Variants in PKHD1 observed in about 807,000 individuals in gnomAD.
The protein encoded by PKHD1 is fibrocystin.
A neutral mutation model predicts 412.0 loss-of-function variants in PKHD1; 291 were observed. The ratio of observed to expected loss-of-function variants is 0.71; its 90% CI spans 0.64 to 0.78. PKHD1 has a LOEUF of 0.78. Ranked by LOEUF, PKHD1 falls within the 30% of genes least tolerant of loss-of-function variation. The pLI is 0.00. For synonymous variants in PKHD1, 1,777 were observed against 1,821.5 expected, an observed-to-expected ratio of 0.98 and a Z score of 0.62; for missense variants, 4,825 against 4,950.7, an observed-to-expected ratio of 0.97 and a Z score of 0.76.
At position 51,616,700 on chromosome 6, in the gene PKHD1, T is replaced by A. The variant is rs1581696134; in HGVS notation, c.*2381A>T. ...TGGCCTCAGGGATCACAGGCTTTTC[T>A]GGGATGGAATTAGTAAGATAATTAT... On this transcript the variant is annotated 3_prime_UTR_variant, in exon 67 of 67. Transcript: ENST00000371117. 2.0e-5 allele frequency: 8 copies of A among 398,462 alleles called. No homozygotes were observed. The East Asian group carries it at 2.9e-4, about 14-fold the overall frequency. The allele number at this position is 398,462 out of a possible 1,614,324, so 24.7% of individuals were successfully genotyped here.
chr6:51,760,354 C>A (rs977422749), intron 55 of PKHD1, among the ~76,000 whole-genome samples: 1 of 152,056 alleles, frequency 6.6e-6, no homozygotes, highest in Non-Finnish European at 1.5e-5. Context: ...AAAAATATAT[C>A]TCTCCCCTAT....
In PKHD1 at chr6:51,938,762, G is replaced by A. The variant is rs149458249; in HGVS notation, c.5909-4440C>T. 7.5e-3 allele frequency among the ~76,000 whole-genome samples: 1,136 copies of A among 151,664 alleles called. 20 individuals are homozygous for A. The highest frequency in any genetic ancestry group is 0.026 in the African/African-American group (1,064 of 41,486). On this transcript the variant is annotated intron_variant, in intron 36 of 66. Transcript: ENST00000371117. ...CCCCTGTCCTCCTGCTCTTTGTTCC[G>A]TGAGAAAGATCCACCTATGACTTCT...
intron 19 of PKHD1, 27 bp downstream of exon 19, chr6:52,055,560 C>T (rs1807580760): frequency 6.2e-7 from 1 of 1,613,648 alleles, no homozygotes; most frequent in South Asian, 1.1e-5. Flanking sequence ...ACCCACCTGA[C>T]CCAGAAGCAC....
At chr6:52,015,308 C>T (rs888519514) in intron 34 of PKHD1, among the ~76,000 whole-genome samples, 1 of 152,148 alleles carries the variant, frequency 6.6e-6, no homozygotes, top group Non-Finnish European at 1.5e-5. Context: ...AAATATTACA[C>T]ATTTCTATCT....
In PKHD1 at chr6:51,983,212, T is replaced by A. The variant is rs563373553; in HGVS notation, c.5752-23186A>T. 1.4e-4 allele frequency among the ~76,000 whole-genome samples: 21 copies of A among 152,354 alleles called. No individual in the cohort carries two copies. In the South Asian group the frequency reaches 1.7e-3, roughly 12 times the overall value. On this transcript the variant is annotated intron_variant, in intron 35 of 66. Coordinates refer to ENST00000371117, the MANE Select transcript of PKHD1 (RefSeq NM_138694.4). ...GAGACTAGGTTAAACAAAATTTTTT[T>A]AAATTTAATTTTCTACGTACCTACA...
At chr6:51,914,422 C>A (rs906546120) in intron 37 of PKHD1, among the ~76,000 whole-genome samples, 1 of 152,006 alleles carries the variant, frequency 6.6e-6, no homozygotes, top group Non-Finnish European at 1.5e-5. Context: ...AAACATCAAG[C>A]CTGGATGTTT....
chr6:51,721,659 C>T, intron 60 of PKHD1: 1 of 1,198,936 alleles, frequency 8.3e-7, no homozygotes, highest in Non-Finnish European at 1.0e-6. Context: ...TTCCTACTCC[C>T]CCATATCTGC....
chr6:51,677,231 T>C (rs546691451), intron 60 of PKHD1, among the ~76,000 whole-genome samples: 91 of 152,230 alleles, frequency 6.0e-4, no homozygotes, highest in African/African-American at 2.0e-3. Context: ...AGCTTCAAAA[T>C]TAATTCATTT....
chr6:51,831,120 T>A (rs1256183194), intron 51 of PKHD1, 131 bp from the exon 52 acceptor site: 1 of 692,586 alleles, frequency 1.4e-6, no homozygotes, highest in Non-Finnish European at 2.5e-6. Flanking sequence ...TAAGTTTCTG[T>A]ACAAATATTT....
At chr6:51,717,479 A>ATT (rs1781418178) in intron 60 of PKHD1, among the ~76,000 whole-genome samples, 1 of 152,142 alleles carries the variant, frequency 6.6e-6, no homozygotes, top group Non-Finnish European at 1.5e-5. Flanking sequence ...GTAATTTTAT[A>ATT]ATACTATATT....
At chr6:51,808,749 T>G (rs1053760760) in intron 52 of PKHD1, among the ~76,000 whole-genome samples, 1 of 152,140 alleles carries the variant, frequency 6.6e-6, no homozygotes, top group African/African-American at 2.4e-5. Flanking sequence ...ATTTTTACAT[T>G]TGGATATTTA....
At chr6:52,053,035 C>T (rs748318317) in intron 21 of PKHD1, 41 bp downstream of exon 21, 10 of 1,591,524 alleles carry the variant, frequency 6.3e-6, no homozygotes, top group African/African-American at 2.7e-5. Flanking sequence ...TTGAGGTAGG[C>T]ATGTGACCGG....
chr6:51,885,940 G>A lies in PKHD1; in HGVS notation c.7142C>T (p.Pro2381Leu), dbSNP rs550806006. Residue 2381 changes from proline (P) to leucine (L), a missense_variant, in exon 45 of 67, where the codon CCA (proline) becomes CTA (leucine). By Grantham distance (98) the Pro-to-Leu change is moderately conservative. Coordinates refer to ENST00000371117, the MANE Select transcript of PKHD1 (RefSeq NM_138694.4). Reference sequence around the variant, plus strand: ...GGTGCCAGTGACATTATCCCAAGGTGGCTGAAATTTAGGGTATACAAAGAG... The same window carrying A: ...GGTGCCAGTGACATTATCCCAAGGTAGCTGAAATTTAGGGTATACAAAGAG... ...YGLFVYPKFQPPWDNVTGTTL... is the reference protein window; with the variant it reads ...YGLFVYPKFQLPWDNVTGTTL... 1.2e-5 allele frequency: 20 copies of A among 1,612,590 alleles called. No individual in the cohort carries two copies. In the South Asian group the frequency reaches 2.1e-4, roughly 17 times the overall value.
intron 55 of PKHD1, among the ~76,000 whole-genome samples, chr6:51,764,294 C>T (rs1788569695): frequency 6.7e-6 from 1 of 149,048 alleles, no homozygotes; most frequent in South Asian, 2.2e-4. Context: ...ATTTATGCAG[C>T]CAAAAAACAC....
chr6:51,769,653 C>T (rs1390044672), intron 55 of PKHD1, among the ~76,000 whole-genome samples: 3 of 151,184 alleles, frequency 2.0e-5, no homozygotes, highest in African/African-American at 7.3e-5. Context: ...GTTCATTAGA[C>T]TTATGGGTTA....
At chr6:51,862,585 T>C (rs540845312) in intron 48 of PKHD1, among the ~76,000 whole-genome samples, 9 of 152,344 alleles carry the variant, frequency 5.9e-5, no homozygotes, top group Non-Finnish European at 8.8e-5. Context: ...TGAACTCTTC[T>C]TTATTTTTGC....
chr6:51,706,902 A>G (rs939572494), intron 60 of PKHD1, among the ~76,000 whole-genome samples: 3 of 152,218 alleles, frequency 2.0e-5, no homozygotes, highest in African/African-American at 7.2e-5. Flanking sequence ...TCTCAAAATT[A>G]TTGCAAAGGA....
intron 37 of PKHD1, among the ~76,000 whole-genome samples, chr6:51,921,791 G>T (rs1784752323): frequency 6.6e-6 from 1 of 152,064 alleles, no homozygotes; most frequent in African/African-American, 2.4e-5. Context: ...GTCATCTAAG[G>T]TCTTCTCTAT....
intron 35 of PKHD1, among the ~76,000 whole-genome samples, chr6:52,008,263 C>G (rs767390989): frequency 3.9e-5 from 6 of 152,192 alleles, no homozygotes; most frequent in Non-Finnish European, 7.3e-5. Flanking sequence ...CATTATGAAT[C>G]TCAGTTAACT....
Sources: gnomAD v4.1 joint callset for allele counts (sites outside exome capture counted in the v4.1 genomes callset) on GRCh38, gnomAD v4.1.1 for gene constraint, MANE v1.5 for transcripts, NCBI Gene and HGNC (gene_info 2026-07-23, HGNC 2026-07-21) for gene names.